Variants in PTK2 observed in about 807,000 individuals in gnomAD.
PTK2 encodes the protein protein tyrosine kinase 2, also known as focal adhesion kinase 1.
Under a neutral mutation model 150.1 loss-of-function variants are expected in PTK2, and 45 were observed. The ratio of observed to expected loss-of-function variants is 0.30; its 90% CI spans 0.24 to 0.38. The LOEUF (loss-of-function observed/expected upper bound fraction) is 0.38, where lower values mean the gene tolerates loss of function less well. Among genes scored for constraint, PTK2 ranks in the 10% least tolerant of loss-of-function variants. PTK2 has a pLI of 1.00. For synonymous variants in PTK2, 432 were observed against 449.2 expected (o/e 0.96, Z 0.48); for missense variants, 919 against 1,307.3 (o/e 0.70, Z 4.58).
chr8:141,001,558 C>T (rs2100200272), upstream of PTK2, among the ~76,000 whole-genome samples: 1 of 149,804 alleles, frequency 6.7e-6, no homozygotes, highest in Non-Finnish European at 1.5e-5. Context: ...TGGCCGGGGT[C>T]GCCCCGCCGA....
intron 4 of PTK2, among the ~76,000 whole-genome samples, chr8:140,872,929 G>C (rs1270163898): frequency 1.3e-5 from 2 of 152,162 alleles, no homozygotes; most frequent in African/African-American, 4.8e-5. Context: ...AGTTGTGCTA[G>C]GACTTACTTT....
chr8:140,975,698 G>A (rs1202949814), intron 1 of PTK2, among the ~76,000 whole-genome samples: 2 of 152,108 alleles, frequency 1.3e-5, no homozygotes, highest in East Asian at 1.9e-4. Flanking sequence ...TCTACTCTCC[G>A]GCCTTTAAGA....
At chr8:140,888,495 T>C (rs552772504) in intron 3 of PTK2, among the ~76,000 whole-genome samples, 1 of 152,260 alleles carries the variant, frequency 6.6e-6, no homozygotes, top group East Asian at 1.9e-4. Flanking sequence ...ATAAAACACG[T>C]TGTTTGTGGC....
chr8:140,924,853 G>C (rs1479805565), intron 2 of PTK2, among the ~76,000 whole-genome samples: 1 of 152,110 alleles, frequency 6.6e-6, no homozygotes, highest in East Asian at 1.9e-4. Context: ...AATTTTAATA[G>C]AGCACAAATG....
At chr8:140,706,276 A>C in intron 23 of PTK2, 71 bp from the exon 27 acceptor site, 2 of 1,199,508 alleles carry the variant, frequency 1.7e-6, no homozygotes, top group Non-Finnish European at 2.5e-6. Context: ...ATGAATCGAA[A>C]AAGACATTTT....
At chr8:140,742,746 T>C (rs999249028) in intron 20 of PTK2, among the ~76,000 whole-genome samples, 1 of 152,254 alleles carries the variant, frequency 6.6e-6, no homozygotes, top group Non-Finnish European at 1.5e-5. Context: ...CCTTTTATAT[T>C]CTAGATAATA....
intron 29 of PTK2, 30 bp from the exon 34 acceptor site, chr8:140,668,454 G>C (rs2093683683): frequency 1.9e-6 from 3 of 1,586,912 alleles, no homozygotes; most frequent in Non-Finnish European, 1.7e-6. Flanking sequence ...TCATTTTTCT[G>C]CTCTCCAGCA....
intron 2 of PTK2, among the ~76,000 whole-genome samples, chr8:140,916,867 T>G (rs1465853458): frequency 6.6e-6 from 1 of 152,318 alleles, no homozygotes; most frequent in East Asian, 1.9e-4. Context: ...GCCAAGTTAT[T>G]TAATCTCTCA....
intron 2 of PTK2, among the ~76,000 whole-genome samples, chr8:140,914,282 TAAAA>T (rs200796635): frequency 6.6e-6 from 1 of 151,892 alleles, no homozygotes; most frequent in Non-Finnish European, 1.5e-5. Context: ...TGAAAACTGT[TAAAA>T]AAAATACAGA....
At chr8:140,718,689 GTT>G (rs887815699) in intron 22 of PTK2, 2 of 152,134 alleles carry the variant, frequency 1.3e-5, no homozygotes, top group Non-Finnish European at 2.9e-5. Context: ...TTGCTCAACT[GTT>G]TAAAAAGACA....
At chr8:140,917,642 C>A (rs1389312883) in intron 2 of PTK2, among the ~76,000 whole-genome samples, 1 of 152,086 alleles carries the variant, frequency 6.6e-6, no homozygotes, top group Non-Finnish European at 1.5e-5. Context: ...GATTTTAGCT[C>A]TGAAAGAGCC....
intron 29 of PTK2, among the ~76,000 whole-genome samples, chr8:140,670,491 AC>A (rs1283000419): frequency 0.022 from 549 of 24,876 alleles, 77 homozygotes; most frequent in African/African-American, 0.047. Flanking sequence ...AAACAACAAC[AC>A]ACACACACAC....
chr8:140,682,555 A>G (rs2153622955), intron 27 of PTK2, among the ~76,000 whole-genome samples: 1 of 152,160 alleles, frequency 6.6e-6, no homozygotes, highest in South Asian at 2.1e-4. Context: ...ACAACAGAAT[A>G]TAAATGCTTC....
intron 20 of PTK2, among the ~76,000 whole-genome samples, chr8:140,739,714 G>A (rs1298896613): frequency 2.0e-5 from 3 of 152,154 alleles, no homozygotes; most frequent in African/African-American, 7.2e-5. Context: ...CCCACTAACA[G>A]GTGCCAGAGT....
chr8:140,902,784 C>T (rs547343445), intron 2 of PTK2, among the ~76,000 whole-genome samples: 48 of 151,984 alleles, frequency 3.2e-4, no homozygotes, highest in Middle Eastern at 6.8e-3. Flanking sequence ...TCATATCCTT[C>T]GCCCACTTTT....
intron 1 of PTK2, among the ~76,000 whole-genome samples, chr8:140,986,496 A>G (rs1260132472): frequency 1.3e-5 from 2 of 152,256 alleles, no homozygotes; most frequent in African/African-American, 4.8e-5. Flanking sequence ...AGTCAAAGAG[A>G]TAAGCACAGA....
At chr8:140,788,566 C>T (rs2100086346) in intron 14 of PTK2, among the ~76,000 whole-genome samples, 1 of 152,108 alleles carries the variant, frequency 6.6e-6, no homozygotes, top group Non-Finnish European at 1.5e-5. Flanking sequence ...CACCTGTAAT[C>T]CCAGCTACTC....
At chr8:140,971,111 T>C (rs772464906) in intron 1 of PTK2, among the ~76,000 whole-genome samples, 4 of 152,162 alleles carry the variant, frequency 2.6e-5, no homozygotes, top group Non-Finnish European at 5.9e-5. Context: ...CTAAGAATAG[T>C]CTGTGTGGAA....
At chr8:140,668,364 C>T (rs1165640775) in exon 30 of PTK2, 2 of 1,613,998 alleles carry the variant, frequency 1.2e-6, no homozygotes, top group Non-Finnish European at 1.7e-6. Context: ...TTCTCGTACA[C>T]CTTATCATTC....
Sources: allele counts gnomAD v4.1 joint callset (sites outside exome capture counted in the v4.1 genomes callset), GRCh38; gene constraint gnomAD v4.1.1; transcripts MANE v1.5; gene names NCBI Gene and HGNC (gene_info 2026-07-23, HGNC 2026-07-21).